PLCL1: variants seen among roughly 807,000 people sequenced by gnomAD.
PLCL1 encodes the protein inactive phospholipase C-like protein 1.
A neutral mutation model predicts 84.4 loss-of-function variants in PLCL1; 41 were observed. That is an observed-to-expected ratio of 0.49 (90% CI 0.38 to 0.63). PLCL1 has a LOEUF of 0.63. Ranked by LOEUF, PLCL1 falls within the 30% of genes least tolerant of loss-of-function variation. The pLI, the probability that PLCL1 is intolerant of heterozygous loss-of-function variation, is 0.00. For missense variants in PLCL1, 1,206 were observed against 1,367.8 expected (o/e 0.88, Z 1.87); for synonymous variants, 490 against 488.3 (o/e 1.00, Z -0.05).
intron 5 of PLCL1, among the ~76,000 whole-genome samples, chr2:198,136,499 A>G (rs1235624340): frequency 6.6e-6 from 1 of 152,076 alleles, no homozygotes; most frequent in African/African-American, 2.4e-5. Flanking sequence ...TCTAGTCTAG[A>G]GACTAGAGAC....
intron 1 of PLCL1, among the ~76,000 whole-genome samples, chr2:197,923,768 G>GA (rs1297146531): frequency 1.3e-5 from 2 of 152,196 alleles, no homozygotes; most frequent in African/African-American, 4.8e-5. Flanking sequence ...CGGCCGGGCA[G>GA]AGGCTGCAAT....
At chr2:198,060,235 G>A (rs183200841) in intron 1 of PLCL1, among the ~76,000 whole-genome samples, 2 of 152,260 alleles carry the variant, frequency 1.3e-5, no homozygotes, top group African/African-American at 4.8e-5. Context: ...CATCTTCACC[G>A]CTGAAAAGTG....
intron 1 of PLCL1, among the ~76,000 whole-genome samples, chr2:197,869,652 A>T (rs1241945046): frequency 1.3e-5 from 2 of 152,190 alleles, no homozygotes; most frequent in Admixed American, 6.6e-5. Context: ...CAGATATGTA[A>T]AAGTAATTTC....
chr2:198,036,467 A>G (rs1441258694), intron 1 of PLCL1, among the ~76,000 whole-genome samples: 1 of 152,232 alleles, frequency 6.6e-6, no homozygotes, highest in Non-Finnish European at 1.5e-5. Context: ...CATGCTATTG[A>G]TAAAATCTGG....
chr2:197,924,013 G>C (rs914936645), intron 1 of PLCL1, among the ~76,000 whole-genome samples: 1 of 151,088 alleles, frequency 6.6e-6, no homozygotes, highest in Non-Finnish European at 1.5e-5. Flanking sequence ...CAGGCGTGGC[G>C]GCGCGTGCCT....
chr2:198,071,135 C>T (rs975516518), intron 1 of PLCL1: 1 of 154,568 alleles, frequency 6.5e-6, no homozygotes, highest in East Asian at 2.1e-4. Flanking sequence ...CACACACACA[C>T]ACAATGCATT....
intron 1 of PLCL1, among the ~76,000 whole-genome samples, chr2:197,905,917 G>GT (rs1368936235): frequency 6.6e-6 from 1 of 152,010 alleles, no homozygotes; most frequent in East Asian, 1.9e-4. Context: ...TGATGGGGTT[G>GT]TTTTTTTCTT....
intron 1 of PLCL1, among the ~76,000 whole-genome samples, chr2:197,989,724 AAAAAAC>A (rs1690297746): frequency 2.0e-5 from 3 of 151,656 alleles, no homozygotes; most frequent in African/African-American, 7.3e-5. Context: ...AAAACAAAAC[AAAAAAC>A]AAAAAAAAAA....
intron 1 of PLCL1, among the ~76,000 whole-genome samples, chr2:197,876,155 C>T (rs1377327997): frequency 6.6e-6 from 1 of 152,176 alleles, no homozygotes. Context: ...CTCACTGATT[C>T]AACAAACGTT....
chr2:198,140,142 C>T (rs895190048), intron 5 of PLCL1, among the ~76,000 whole-genome samples: 8 of 152,040 alleles, frequency 5.3e-5, no homozygotes, highest in African/African-American at 9.7e-5. Context: ...CCATGTTGGC[C>T]GCGCCTGGCC....
chr2:197,995,485 C>G (rs1055568421), intron 1 of PLCL1, among the ~76,000 whole-genome samples: 1 of 152,090 alleles, frequency 6.6e-6, no homozygotes, highest in Non-Finnish European at 1.5e-5. Flanking sequence ...AGACAGGAGA[C>G]ACATGGTATA....
intron 5 of PLCL1, among the ~76,000 whole-genome samples, chr2:198,121,706 C>T (rs1281595067): frequency 6.6e-6 from 1 of 151,994 alleles, no homozygotes; most frequent in Non-Finnish European, 1.5e-5. Context: ...TTGGTTATTA[C>T]AGCTCTGTCT....
intron 1 of PLCL1, among the ~76,000 whole-genome samples, chr2:197,969,742 T>C (rs1470458519): frequency 6.6e-6 from 1 of 152,210 alleles, no homozygotes; most frequent in Non-Finnish European, 1.5e-5. Context: ...CAAAGAAATG[T>C]GATCAGAAGT....
At chr2:197,930,098 A>G (rs1228936013) in intron 1 of PLCL1, among the ~76,000 whole-genome samples, 1 of 152,158 alleles carries the variant, frequency 6.6e-6, no homozygotes, top group East Asian at 1.9e-4. Context: ...AGAAAAATCC[A>G]TTACTACTGC....
At chr2:197,944,412 C>T (rs1410783803) in intron 1 of PLCL1, among the ~76,000 whole-genome samples, 1 of 152,144 alleles carries the variant, frequency 6.6e-6, no homozygotes, top group Non-Finnish European at 1.5e-5. Flanking sequence ...GCCTGAGTCT[C>T]AAGCTCCTAT....
intron 1 of PLCL1, among the ~76,000 whole-genome samples, chr2:197,970,750 T>C (rs1037449058): frequency 6.6e-6 from 1 of 152,284 alleles, no homozygotes; most frequent in Admixed American, 6.5e-5. Context: ...TACCTTTTTT[T>C]CCCCCACAAC....
intron 1 of PLCL1, among the ~76,000 whole-genome samples, chr2:197,902,004 TAGAAA>T (rs1220606042): frequency 1.3e-5 from 2 of 152,268 alleles, no homozygotes; most frequent in South Asian, 2.1e-4. Flanking sequence ...AAATGCAGGC[TAGAAA>T]AGAAATCATA....
intron 1 of PLCL1, among the ~76,000 whole-genome samples, chr2:197,980,271 T>A (rs1239257056): frequency 6.6e-6 from 1 of 152,214 alleles, no homozygotes; most frequent in East Asian, 1.9e-4. Context: ...CTGAGTGATA[T>A]GTCCAGTGTG....
chr2:197,966,198 G>A (rs1235741997), intron 1 of PLCL1, among the ~76,000 whole-genome samples: 3 of 151,850 alleles, frequency 2.0e-5, no homozygotes, highest in Non-Finnish European at 2.9e-5. Flanking sequence ...GCAGAAGGAA[G>A]GAGTCTCTTT....
Sources: gnomAD v4.1 joint callset for allele counts (sites outside exome capture counted in the v4.1 genomes callset) on GRCh38, gnomAD v4.1.1 for gene constraint, MANE v1.5 for transcripts, NCBI Gene and HGNC (gene_info 2026-07-23, HGNC 2026-07-21) for gene names.